Variants in PPARGC1A observed in about 807,000 individuals in gnomAD.
PPARGC1A encodes PPARG coactivator 1 alpha, also known as peroxisome proliferator-activated receptor gamma coactivator 1-alpha.
PPARGC1A carries 25 observed loss-of-function variants against 88.7 expected under a neutral mutation model. The observed-to-expected ratio is 0.28, with a 90% confidence interval of 0.21 to 0.39. The LOEUF (loss-of-function observed/expected upper bound fraction) is 0.39. PPARGC1A is among the 10% of genes least tolerant of loss of function. The pLI is 1.00. For synonymous variants in PPARGC1A, 363 were observed against 355.6 expected, an observed-to-expected ratio of 1.02 and a Z score of -0.24; for missense variants, 880 against 968.7, an observed-to-expected ratio of 0.91 and a Z score of 1.22.
chr4:24,422,372 T>G, the PPARGC1A span, among the ~76,000 whole-genome samples: 9 of 152,176 alleles, frequency 5.9e-5, no homozygotes. Flanking sequence ...TGGAGATATT[T>G]TTGGACAGAG....
At chr4:24,238,011 G>A in the PPARGC1A span, among the ~76,000 whole-genome samples, 2 of 152,196 alleles carry the variant, frequency 1.3e-5, no homozygotes, top group African/African-American at 4.8e-5. Context: ...CCACGTGGAT[G>A]AGGAAATCGA....
the PPARGC1A span, among the ~76,000 whole-genome samples, chr4:24,318,619 C>T: frequency 6.6e-6 from 1 of 152,232 alleles, no homozygotes; most frequent in Non-Finnish European, 1.5e-5. Context: ...CCATATGCAG[C>T]ATTTTTTTAA....
chr4:23,897,679 A>G (rs1718768287), intron 1 of PPARGC1A, among the ~76,000 whole-genome samples: 1 of 152,186 alleles, frequency 6.6e-6, no homozygotes, highest in Non-Finnish European at 1.5e-5. Context: ...CAGCTTCATC[A>G]TTTTCCTTGC....
chr4:24,330,723 A>G, the PPARGC1A span, among the ~76,000 whole-genome samples: 1 of 152,168 alleles, frequency 6.6e-6, no homozygotes, highest in Non-Finnish European at 1.5e-5. Context: ...TAAATGAGAA[A>G]CTGAGACCCA....
chr4:23,899,124 G>T (rs1188518176), intron 1 of PPARGC1A: 1 of 152,156 alleles, frequency 6.6e-6, no homozygotes, highest in East Asian at 1.9e-4. Context: ...TGGGATTACA[G>T]GTGTGAGCCA....
chr4:24,083,161 T>C, the PPARGC1A span, among the ~76,000 whole-genome samples: 1 of 152,106 alleles, frequency 6.6e-6, no homozygotes, highest in East Asian at 1.9e-4. Context: ...AATAGGCAAA[T>C]GAGCAAGATT....
At chr4:24,104,159 T>C in the PPARGC1A span, among the ~76,000 whole-genome samples, 2 of 152,176 alleles carry the variant, frequency 1.3e-5, no homozygotes, top group Admixed American at 1.3e-4. Context: ...CCTAGTTGAG[T>C]TCCGCTAGTG....
At chr4:24,407,164 G>A in the PPARGC1A span, among the ~76,000 whole-genome samples, 10,480 of 152,158 alleles carry the variant, frequency 0.069, 379 homozygotes, top group Middle Eastern at 0.1. Context: ...TTATCACTTT[G>A]GTAGGAAAGC....
chr4:24,140,132 T>C, the PPARGC1A span, among the ~76,000 whole-genome samples: 2 of 152,086 alleles, frequency 1.3e-5, no homozygotes, highest in African/African-American at 2.4e-5. Context: ...TTGCCATCTA[T>C]CTGTGTGAAA....
the PPARGC1A span, among the ~76,000 whole-genome samples, chr4:24,284,853 C>T: frequency 1.3e-5 from 2 of 152,032 alleles, no homozygotes; most frequent in Non-Finnish European, 2.9e-5. Context: ...ATGGTGAAAC[C>T]CTGTCTTTAC....
the PPARGC1A span, among the ~76,000 whole-genome samples, chr4:24,083,396 C>G: frequency 6.6e-6 from 1 of 152,312 alleles, no homozygotes; most frequent in East Asian, 1.9e-4. Flanking sequence ...GGAAGGACCT[C>G]TCCCCAGTGC....
chr4:24,294,695 C>G, the PPARGC1A span, among the ~76,000 whole-genome samples: 1 of 152,196 alleles, frequency 6.6e-6, no homozygotes. Flanking sequence ...GATACCAAAT[C>G]ACTGTAGAGT....
At chr4:23,866,854 C>G (rs1252076118) in intron 2 of PPARGC1A, among the ~76,000 whole-genome samples, 1 of 152,000 alleles carries the variant, frequency 6.6e-6, no homozygotes, top group Non-Finnish European at 1.5e-5. Flanking sequence ...AGATACCGCC[C>G]GGGGGTGCTT....
In PPARGC1A at chr4:23,813,844, A is replaced by G. The variant is rs1577368992; in HGVS notation, c.1639T>C (p.Cys547Arg). The change falls in exon 8 of 13, where the codon TGT becomes CGT. Residue 547 changes from cysteine to arginine, a missense_variant. Cys to Arg is a radical substitution (Grantham distance 180). Coordinates refer to ENST00000264867, the MANE Select transcript of PPARGC1A (RefSeq NM_013261.5). ...SPSCSSFNSP[C>R]RDSVSPPKSL... ...TTGGGTGGTGACACAGAATCTCTAC[A>G]TGGAGAGTTAAAAGAAGAACAAGAA... is the stretch of plus-strand genomic sequence containing the variant. 4 of 1,613,970 alleles carry G rather than the reference A, an allele frequency of 2.5e-6. No homozygotes were observed. The African/African-American group carries it at 4.0e-5, about 16-fold the overall frequency.
At chr4:24,237,884 T>C in the PPARGC1A span, among the ~76,000 whole-genome samples, 22 of 152,130 alleles carry the variant, frequency 1.4e-4, no homozygotes. Context: ...ACTCAGGACT[T>C]GCCACCCACT....
At chr4:24,110,770 A>G in the PPARGC1A span, among the ~76,000 whole-genome samples, 1 of 152,166 alleles carries the variant, frequency 6.6e-6, no homozygotes, top group South Asian at 2.1e-4. Context: ...CACATTCATC[A>G]TCTTAAACTT....
chr4:23,819,162 T>C (rs138641629), intron 7 of PPARGC1A, among the ~76,000 whole-genome samples: 10 of 152,106 alleles, frequency 6.6e-5, no homozygotes, highest in African/African-American at 2.4e-4. Context: ...TCTACAGCAG[T>C]TGTTAAAATA....
chr4:23,817,760 T>C (rs1186983693), intron 7 of PPARGC1A, among the ~76,000 whole-genome samples: 1 of 152,172 alleles, frequency 6.6e-6, no homozygotes, highest in African/African-American at 2.4e-5. Context: ...CCGGAGAATA[T>C]CTCAAAGCAA....
At chr4:23,904,506 A>T (rs908410111), upstream of PPARGC1A, among the ~76,000 whole-genome samples, 3 of 152,026 alleles carry the variant, frequency 2.0e-5, no homozygotes, top group African/African-American at 7.3e-5. Context: ...ATTGACATTA[A>T]AGAGAGTGTA....
Sources: allele counts gnomAD v4.1 joint callset (sites outside exome capture counted in the v4.1 genomes callset), GRCh38; gene constraint gnomAD v4.1.1; transcripts MANE v1.5; gene names NCBI Gene and HGNC (gene_info 2026-07-23, HGNC 2026-07-21).